The following BARX2 variants were observed in gnomAD, a reference collection of about 807,000 sequenced individuals.
The protein encoded by BARX2 is BARX homeobox 2.
Under a neutral mutation model 25.5 loss-of-function variants are expected in BARX2, and 11 were observed. The ratio of observed to expected loss-of-function variants is 0.43; its 90% CI spans 0.27 to 0.71. The LOEUF is 0.71. Among genes scored for constraint, BARX2 ranks in the 30% least tolerant of loss-of-function variants. The pLI is 0.19. For synonymous variants in BARX2, 137 were observed against 149.5 expected (o/e 0.92, Z 0.61); for missense variants, 360 against 359.9 (o/e 1.00, Z 0.00).
At chr11:129,395,264 C>T (rs1377902370) in intron 1 of BARX2, among the ~76,000 whole-genome samples, 2 of 152,064 alleles carry the variant, frequency 1.3e-5, no homozygotes, top group East Asian at 1.9e-4. Flanking sequence ...ATTTAGTTCC[C>T]GTAGGCTGGT....
At chr11:129,448,758 TTTCCCA>T (rs1456289828) in intron 3 of BARX2, among the ~76,000 whole-genome samples, 1 of 152,236 alleles carries the variant, frequency 6.6e-6, no homozygotes, top group Non-Finnish European at 1.5e-5. Context: ...ATTTCACTTC[TTTCCCA>T]TGTTCACAGC....
intron 1 of BARX2, among the ~76,000 whole-genome samples, chr11:129,426,267 A>G (rs1296202100): frequency 6.6e-6 from 1 of 152,100 alleles, no homozygotes; most frequent in Non-Finnish European, 1.5e-5. Flanking sequence ...GGACACGGTC[A>G]TGGAACTTTC....
At position 129,376,364 on chromosome 11, in the gene BARX2, C is replaced by A; in HGVS notation, c.187+142C>A. 2.3e-6 allele frequency: 2 copies of A among 863,628 alleles called. No homozygotes were observed. The highest frequency in any genetic ancestry group is 3.5e-6 in the Non-Finnish European group (2 of 577,576). 53.5% of individuals were successfully genotyped at this position (863,628 alleles called of 1,614,324 possible). On this transcript the variant is annotated intron_variant, in intron 1 of 3. Transcript: ENST00000281437. The surrounding 1 kb of genome is among the most constrained non-coding windows in gnomAD (Gnocchi z 4.2). ...GCGCCTCAGCAAGCGGTGGGCATTG[C>A]AAAGGCATCTGCGACGTGGCCGGGA...
At chr11:129,419,430 C>T (rs1369392245) in intron 1 of BARX2, among the ~76,000 whole-genome samples, 2 of 152,166 alleles carry the variant, frequency 1.3e-5, no homozygotes, top group Admixed American at 6.5e-5. Flanking sequence ...TTTCCAAGAA[C>T]CTTTCTATAA....
chr11:129,386,392 T>C (rs904737812), intron 1 of BARX2, among the ~76,000 whole-genome samples: 2 of 152,210 alleles, frequency 1.3e-5, no homozygotes, highest in Admixed American at 6.5e-5. Flanking sequence ...TTGAACCAAA[T>C]AATCTAAAAA....
At chr11:129,394,960 GA>G (rs1464900731) in intron 1 of BARX2, among the ~76,000 whole-genome samples, 1 of 142,248 alleles carries the variant, frequency 7.0e-6, no homozygotes, top group Non-Finnish European at 1.5e-5. Flanking sequence ...TGACTGGAAA[GA>G]AAACCAAAGC....
chr11:129,402,497 G>A (rs374440349), intron 1 of BARX2, among the ~76,000 whole-genome samples: 11 of 152,078 alleles, frequency 7.2e-5, no homozygotes, highest in South Asian at 2.1e-4. Flanking sequence ...TAGGCAGGCC[G>A]TTTAATATTC....
chr11:129,411,593 G>A (rs1591436560), intron 1 of BARX2, among the ~76,000 whole-genome samples: 1 of 152,100 alleles, frequency 6.6e-6, no homozygotes, highest in African/African-American at 2.4e-5. Context: ...AGAGAAAAAG[G>A]GTTTACATAC....
intron 2 of BARX2, chr11:129,437,497 G>C: frequency 1.0e-6 from 1 of 988,586 alleles, no homozygotes; most frequent in Non-Finnish European, 1.2e-6. Context: ...TGCTGGCCTG[G>C]CTATTGCTTG....
chr11:129,388,405 G>A (rs902341596), intron 1 of BARX2, among the ~76,000 whole-genome samples: 1 of 152,070 alleles, frequency 6.6e-6, no homozygotes, highest in Non-Finnish European at 1.5e-5. Flanking sequence ...TGTCTGTGTA[G>A]CATTCGCTAC....
At chr11:129,421,949 T>A (rs552105344) in intron 1 of BARX2, among the ~76,000 whole-genome samples, 1 of 152,224 alleles carries the variant, frequency 6.6e-6, no homozygotes, top group African/African-American at 2.4e-5. Context: ...TTGGATCACA[T>A]TGGAATCTCA....
intron 1 of BARX2, among the ~76,000 whole-genome samples, chr11:129,411,427 A>T (rs11825472): frequency 0.15 from 22,195 of 151,566 alleles, 1,842 homozygotes; most frequent in East Asian, 0.36. Context: ...ATTACTGAAA[A>T]TAATACGGAC....
chr11:129,409,431 C>A (rs1404231328), intron 1 of BARX2, among the ~76,000 whole-genome samples: 1 of 151,838 alleles, frequency 6.6e-6, no homozygotes, highest in South Asian at 2.1e-4. Context: ...CATACACATT[C>A]CCCCCACCCT....
At chr11:129,449,552 G>A (rs1004778487) in intron 3 of BARX2, among the ~76,000 whole-genome samples, 1 of 152,146 alleles carries the variant, frequency 6.6e-6, no homozygotes, top group East Asian at 1.9e-4. Context: ...AGGAAGGAGT[G>A]TCTACTACAT....
intron 1 of BARX2, among the ~76,000 whole-genome samples, chr11:129,434,221 T>C (rs568064634): frequency 6.2e-4 from 92 of 149,330 alleles, no homozygotes; most frequent in African/African-American, 2.0e-3. Context: ...ATATAGTTTA[T>C]CCATCTATTC....
At chr11:129,422,798 G>A (rs1862020051) in intron 1 of BARX2, among the ~76,000 whole-genome samples, 2 of 151,468 alleles carry the variant, frequency 1.3e-5, no homozygotes, top group Admixed American at 1.3e-4. Flanking sequence ...CTACCTCCCA[G>A]GTTCAAGTGA....
intron 2 of BARX2, among the ~76,000 whole-genome samples, chr11:129,440,264 A>T (rs879470013): frequency 5.3e-5 from 8 of 152,378 alleles, no homozygotes; most frequent in Admixed American, 5.2e-4. Flanking sequence ...CTGTAGCCAG[A>T]GTGAGTCAGG....
Position 129,451,649 on chromosome 11 carries a change from A to G in BARX2, c.*247A>G. 2.0e-6 allele frequency: 1 copy of G among 510,278 alleles called. No homozygotes were observed. The highest frequency in any genetic ancestry group is 3.5e-6 in the Non-Finnish European group (1 of 287,874). The allele number at this position is 510,278 out of a possible 1,614,324, so 31.6% of individuals were successfully genotyped here. On this transcript the variant is annotated 3_prime_UTR_variant, in exon 4 of 4. Transcript: ENST00000281437. ...GTGGATGCCCTTGATTAAGGGAGAG[A>G]GCGCCTAGGAGCTGCCTGCCCCAGC...
At chr11:129,380,858 C>G (rs540158240) in intron 1 of BARX2, among the ~76,000 whole-genome samples, 1 of 151,620 alleles carries the variant, frequency 6.6e-6, no homozygotes, top group Non-Finnish European at 1.5e-5. Flanking sequence ...CTCACTGCAA[C>G]CTCCACCTTC....
Sources: gnomAD v4.1 joint callset for allele counts (sites outside exome capture counted in the v4.1 genomes callset) on GRCh38, gnomAD v4.1.1 for gene constraint, Gnocchi (gnomAD v3.1) non-coding constraint, MANE v1.5 for transcripts, NCBI Gene and HGNC (gene_info 2026-07-23, HGNC 2026-07-21) for gene names.